The following MPPED2 variants were observed in gnomAD, a reference collection of about 807,000 sequenced individuals.
MPPED2 encodes metallophosphoesterase MPPED2.
In MPPED2, 5 loss-of-function variants were observed where a neutral mutation model predicts 33.0. That is an observed-to-expected ratio of 0.15 (90% CI 0.08 to 0.32). The LOEUF (loss-of-function observed/expected upper bound fraction) is 0.32, where lower values mean the gene tolerates loss of function less well. Ranked by LOEUF, MPPED2 falls within the 10% of genes least tolerant of loss-of-function variation. The pLI, the probability that MPPED2 is intolerant of heterozygous loss-of-function variation, is 1.00. For synonymous variants in MPPED2, 136 were observed against 141.9 expected (o/e 0.96, Z 0.29); for missense variants, 275 against 372.1 (o/e 0.74, Z 2.15).
chr11:30,579,918 G>A (rs1212236585), intron 2 of MPPED2, among the ~76,000 whole-genome samples: 1 of 151,988 alleles, frequency 6.6e-6, no homozygotes, highest in African/African-American at 2.4e-5. Flanking sequence ...TAGGGGTCAG[G>A]AGTCTCAGGC....
intron 4 of MPPED2, among the ~76,000 whole-genome samples, chr11:30,452,599 A>G (rs746008056): frequency 3.9e-5 from 6 of 152,204 alleles, no homozygotes; most frequent in Admixed American, 1.3e-4. Context: ...GGGGTAAGGT[A>G]TGTACTGCAC....
At chr11:30,494,172 A>T (rs1380928153) in intron 4 of MPPED2, among the ~76,000 whole-genome samples, 2 of 152,234 alleles carry the variant, frequency 1.3e-5, no homozygotes, top group African/African-American at 4.8e-5. Context: ...AGAGACGGTA[A>T]TTCTGATGTG....
chr11:30,476,399 T>A (rs1365731227), intron 4 of MPPED2, among the ~76,000 whole-genome samples: 2 of 152,040 alleles, frequency 1.3e-5, no homozygotes, highest in Non-Finnish European at 2.9e-5. Flanking sequence ...TTTAAAAAAA[T>A]TTAAGTGTAA....
At chr11:30,577,095 T>A (rs1956963623) in intron 2 of MPPED2, among the ~76,000 whole-genome samples, 1 of 152,190 alleles carries the variant, frequency 6.6e-6, no homozygotes, top group Non-Finnish European at 1.5e-5. Flanking sequence ...GCCTTGCAAA[T>A]AAACATTGTC....
rs148252474 is a variant in MPPED2 at position 30,574,060 on chromosome 11, A to T, written c.128+6186T>A. Among the ~76,000 whole-genome samples, 607 of 152,310 alleles carry T rather than the reference A, an allele frequency of 4.0e-3. 4 individuals are homozygous for T. Among genetic ancestry groups the T allele is most frequent in the African/African-American group, 0.012 (494 of 41,560 alleles). Reference sequence around the variant, plus strand: ...TGTTTCTTACTTTATTGTTGAAGAAACAAAAATATTGTTTATAAATTTAGT... The same window carrying T: ...TGTTTCTTACTTTATTGTTGAAGAATCAAAAATATTGTTTATAAATTTAGT... On this transcript the variant is annotated intron_variant, in intron 2 of 6. Coordinates refer to ENST00000358117, the MANE Select transcript of MPPED2 (RefSeq NM_001584.3).
intron 3 of MPPED2, among the ~76,000 whole-genome samples, chr11:30,527,222 G>T (rs899985431): frequency 2.0e-5 from 3 of 152,124 alleles, no homozygotes; most frequent in Admixed American, 2.0e-4. Context: ...GAGCCACCGC[G>T]CCCGGCCTCT....
chr11:30,529,458 C>T (rs577029409), intron 3 of MPPED2, among the ~76,000 whole-genome samples: 1 of 151,934 alleles, frequency 6.6e-6, no homozygotes, highest in African/African-American at 2.4e-5. Context: ...CATAATATAT[C>T]GTTAAGATGA....
chr11:30,462,856 G>A (rs1309804028), intron 4 of MPPED2, among the ~76,000 whole-genome samples: 1 of 152,192 alleles, frequency 6.6e-6, no homozygotes, highest in Non-Finnish European at 1.5e-5. Flanking sequence ...TTTGATGAAT[G>A]GAAAGTTTAA....
At chr11:30,538,999 T>C (rs898477830) in intron 2 of MPPED2, among the ~76,000 whole-genome samples, 1 of 152,126 alleles carries the variant, frequency 6.6e-6, no homozygotes, top group Non-Finnish European at 1.5e-5. Context: ...CTGGAGCTCA[T>C]AGGAAGAAGA....
intron 2 of MPPED2, among the ~76,000 whole-genome samples, chr11:30,542,933 C>T (rs1433707720): frequency 6.6e-6 from 1 of 152,128 alleles, no homozygotes; most frequent in Non-Finnish European, 1.5e-5. Context: ...AAATCAGTCA[C>T]CTAACTCTGG....
chr11:30,559,887 C>T (rs1036514461), intron 2 of MPPED2, among the ~76,000 whole-genome samples: 2 of 151,924 alleles, frequency 1.3e-5, no homozygotes, highest in Admixed American at 1.3e-4. Flanking sequence ...ACATTATGCC[C>T]TATTTTGAAA....
intron 4 of MPPED2, among the ~76,000 whole-genome samples, chr11:30,466,475 A>G (rs1438239857): frequency 2.0e-5 from 3 of 152,214 alleles, no homozygotes; most frequent in Non-Finnish European, 2.9e-5. Flanking sequence ...ATCCGGTCCA[A>G]TGGTGGGCTG....
intron 3 of MPPED2, among the ~76,000 whole-genome samples, chr11:30,526,954 C>CAGTGCAGTGGCCCAGGCTAG (rs1309968509): frequency 6.6e-6 from 1 of 151,350 alleles, no homozygotes; most frequent in Non-Finnish European, 1.5e-5. Context: ...GCCCAGGCTA[C>CAGTGCAGTGGCCCAGGCTAG]AGTGCAGTGG....
chr11:30,414,966 T>C (rs1318501064), intron 5 of MPPED2, among the ~76,000 whole-genome samples: 2 of 152,004 alleles, frequency 1.3e-5, no homozygotes, highest in Non-Finnish European at 2.9e-5. Flanking sequence ...AGCCACTTAG[T>C]TCTACACTTA....
At chr11:30,558,890 C>T (rs1054636908) in intron 2 of MPPED2, among the ~76,000 whole-genome samples, 5 of 152,060 alleles carry the variant, frequency 3.3e-5, no homozygotes, top group Admixed American at 6.6e-5. Flanking sequence ...CCTGGTCCTC[C>T]TCATTTGGAC....
intron 4 of MPPED2, among the ~76,000 whole-genome samples, chr11:30,424,145 T>C (rs1948732589): frequency 6.6e-6 from 1 of 152,192 alleles, no homozygotes; most frequent in South Asian, 2.1e-4. Context: ...AGCCAGCTAG[T>C]ACAGGTGGTC....
At chr11:30,581,218 C>A (rs1487975284) in intron 1 of MPPED2, among the ~76,000 whole-genome samples, 2 of 152,186 alleles carry the variant, frequency 1.3e-5, no homozygotes, top group African/African-American at 4.8e-5. Flanking sequence ...TTCATTACCT[C>A]CCTTCTTCAA....
rs183619490 is a variant in MPPED2 at position 30,410,356 on chromosome 11, T to C, written c.*1112A>G. On this transcript the variant is annotated 3_prime_UTR_variant, in exon 7 of 7. Coordinates refer to ENST00000358117, the MANE Select transcript of MPPED2 (RefSeq NM_001584.3). ...TAAAATAGAATAAAGCTCAACAGCA[T>C]TTACAATGGGAAAACAGAAATGACT... The C allele has an allele frequency of 1.8e-5, 18 of 985,804 alleles. No homozygotes were observed. In the East Asian group the frequency reaches 1.5e-3, roughly 81 times the overall value. The allele number at this position is 985,804 out of a possible 1,614,324, so 61.1% of individuals were successfully genotyped here.
downstream of MPPED2, among the ~76,000 whole-genome samples, chr11:30,406,254 A>G (rs1289744559): frequency 1.3e-5 from 2 of 152,176 alleles, no homozygotes; most frequent in African/African-American, 2.4e-5. Context: ...GTGCTACAAA[A>G]TCACACTATG....
Sources: allele counts gnomAD v4.1 joint callset (sites outside exome capture counted in the v4.1 genomes callset), GRCh38; gene constraint gnomAD v4.1.1; transcripts MANE v1.5; gene names NCBI Gene and HGNC (gene_info 2026-07-23, HGNC 2026-07-21).